Variants in TRMT2B observed in about 807,000 individuals in gnomAD.
TRMT2B encodes tRNA methyltransferase 2B, also known as tRNA (uracil-5-)-methyltransferase homolog B.
A neutral mutation model predicts 39.7 loss-of-function variants in TRMT2B; 34 were observed. The observed-to-expected ratio is 0.86, with a 90% CI of 0.65 to 1.14. TRMT2B has a LOEUF of 1.14. Ranked by LOEUF, TRMT2B falls within the 50% of genes most tolerant of loss-of-function variation. The pLI, the probability that TRMT2B is intolerant of heterozygous loss-of-function variation, is 0.00. For synonymous variants in TRMT2B, 132 were observed against 137.3 expected (o/e 0.96, Z 0.27); for missense variants, 318 against 377.2 (o/e 0.84, Z 1.30).
downstream of TRMT2B, among the ~76,000 whole-genome samples, chrX:101,006,000 C>T (rs1005453598): frequency 9.2e-6 from 1 of 109,092 alleles, no homozygotes; most frequent in East Asian, 2.9e-4. Context: ...GTGGGTGGAT[C>T]ACCTGAGGTC....
At position 101,042,192 on chromosome X, in the gene TRMT2B, G is replaced by A. The variant is rs145203851; in HGVS notation, c.98C>T (p.Ala33Val). The change falls in exon 3 of 14, where the codon GCC (alanine) becomes GTC (valine). Residue 33 changes from alanine to valine, a missense_variant. Ala to Val is a moderately conservative substitution (Grantham distance 64). Transcript: ENST00000372936. ...CTGTGACCATCCTGGTGGATTTCTG[G>A]CATACCAGGGAAGCAGTCCTGGTTT... ...FSKPGLLPWY[A>V]RNPPGWSQLF... 3.3e-6 allele frequency: 4 copies of A among 1,210,606 alleles called. No individual in the cohort carries two copies. In the African/African-American group the frequency reaches 5.2e-5, roughly 16 times the overall value.
chrX:101,044,959 G>A (rs182412112), intron 2 of TRMT2B, among the ~76,000 whole-genome samples: 1,155 of 107,820 alleles, frequency 0.011, 13 homozygotes, highest in Non-Finnish European at 0.018. Flanking sequence ...GAACCTGGGA[G>A]GTGGAGGTTG....
chrX:101,026,630 C>G (rs567914974), intron 7 of TRMT2B, among the ~76,000 whole-genome samples: 1 of 111,102 alleles, frequency 9.0e-6, no homozygotes, highest in African/African-American at 3.3e-5. Flanking sequence ...AACTGAAACT[C>G]CTGTTCTTAT....
intron 2 of TRMT2B, among the ~76,000 whole-genome samples, chrX:101,046,850 C>T (rs997922752): frequency 4.5e-5 from 5 of 111,096 alleles, no homozygotes; most frequent in Admixed American, 2.9e-4. Flanking sequence ...CGCTTGAACC[C>T]GGGAGGTGGA....
intron 10 of TRMT2B, 53 bp from the exon 11 acceptor site, chrX:101,020,641 AGTTT>A (rs200657512): frequency 0.19 from 183,292 of 944,398 alleles, 14,648 homozygotes; most frequent in African/African-American, 0.35. Flanking sequence ...TAGGTGTGGT[AGTTT>A]GTTTGTTTTT....
At chrX:101,021,817 C>T in intron 9 of TRMT2B, 151 bp downstream of exon 9, 1 of 474,744 alleles carries the variant, frequency 2.1e-6, no homozygotes, top group Admixed American at 3.5e-5. Flanking sequence ...CTCACATCTA[C>T]ATTCTGGCCT....
the TRMT2B span, among the ~76,000 whole-genome samples, chrX:100,993,349 A>G: frequency 8.9e-6 from 1 of 112,088 alleles, no homozygotes; most frequent in Admixed American, 9.5e-5. Flanking sequence ...TTGCCTGATA[A>G]ATATCGCTGG....
chrX:100,983,847 C>T, the TRMT2B span, among the ~76,000 whole-genome samples: 2 of 111,316 alleles, frequency 1.8e-5, no homozygotes, highest in African/African-American at 6.5e-5. Flanking sequence ...TATGTACTCT[C>T]ATTTCCAAAG....
Position 101,020,526 on chromosome X carries a change from G to T in TRMT2B, c.1129C>A (p.Gln377Lys). 8.3e-7 allele frequency: 1 copy of T among 1,210,894 alleles called. No individual in the cohort carries two copies. The highest frequency in any genetic ancestry group is 1.8e-5 in the South Asian group (1 of 56,988). Residue 377 changes from glutamine (Q) to lysine (K), a missense_variant, in exon 11 of 14, where the codon CAG (glutamine) becomes AAG (lysine). Transcript: ENST00000372936. ...GTCCATCTTGCATCCTCCACTGCCTGCTCCAACAATTCAATCCCAAGGACC... is the reference window on the plus strand; with the variant it reads ...GTCCATCTTGCATCCTCCACTGCCTTCTCCAACAATTCAATCCCAAGGACC... ...SRVLGIELLEQAVEDARWTAA... is the reference protein window; with the variant it reads ...SRVLGIELLEKAVEDARWTAA...
rs765920875 is a variant in TRMT2B, at chrX:101,021,349, C to T, written c.852-34G>A. The T allele has an allele frequency of 1.8e-5, 21 of 1,152,660 alleles. No homozygotes were observed. The South Asian group carries it at 4.1e-4, about 23-fold the overall frequency. The allele number at this position is 1,152,660 out of a possible 1,213,427, so 95.0% of individuals were successfully genotyped here. ...GAATAAAAGAAGAAAGCATCTTGAG[C>T]TGTGAGCGGTGGCTCACGCCTGTAA... On this transcript the variant is annotated intron_variant, in intron 9 of 13. Transcript: ENST00000372936.
chrX:101,045,644 A>C (rs7882862), intron 2 of TRMT2B, among the ~76,000 whole-genome samples: 2,374 of 101,436 alleles, frequency 0.023, 88 homozygotes, highest in African/African-American at 0.08. Context: ...AACAAACAAA[A>C]AAAATTAGCT....
chrX:101,009,276 C>T (rs2086159403), downstream of TRMT2B: 1 of 111,294 alleles, frequency 9.0e-6, no homozygotes, highest in Admixed American at 9.7e-5. Flanking sequence ...AAAACATAAT[C>T]TAAATTGTTG....
At chrX:101,005,880 CAAAAAAA>C (rs370275736), downstream of TRMT2B, among the ~76,000 whole-genome samples, 8 of 64,259 alleles carry the variant, frequency 1.2e-4, no homozygotes, top group East Asian at 1.3e-3. Context: ...GATTCCCACT[CAAAAAAA>C]AAAAAAAAAA....
chrX:101,012,282 C>T (rs1470593177), intron 13 of TRMT2B, among the ~76,000 whole-genome samples: 3 of 105,862 alleles, frequency 2.8e-5, no homozygotes, highest in African/African-American at 1.0e-4. Context: ...TATGATGTCA[C>T]TAGGCCATAG....
chrX:100,977,601 G>A, the TRMT2B span, among the ~76,000 whole-genome samples: 272 of 110,309 alleles, frequency 2.5e-3, 2 homozygotes, highest in African/African-American at 8.7e-3. Flanking sequence ...GGCTGGTCTC[G>A]AACTCCTGAC....
At chrX:101,018,659 C>A (rs2086647874) in intron 13 of TRMT2B, among the ~76,000 whole-genome samples, 1 of 110,246 alleles carries the variant, frequency 9.1e-6, no homozygotes, top group Admixed American at 9.8e-5. Flanking sequence ...CACTGTGTTC[C>A]CCAGGGTGGT....
At chrX:101,003,226 A>T in the TRMT2B span, among the ~76,000 whole-genome samples, 8 of 110,185 alleles carry the variant, frequency 7.3e-5, no homozygotes, top group African/African-American at 9.9e-5. Flanking sequence ...AAAATAAATT[A>T]AAAAATTAAA....
chrX:100,999,568 T>C, the TRMT2B span, among the ~76,000 whole-genome samples: 1 of 112,257 alleles, frequency 8.9e-6, no homozygotes, highest in African/African-American at 3.2e-5. Context: ...ACTGTACTTC[T>C]CAATGCTGGC....
At chrX:101,044,249 G>GAAAAAAAA (rs35472826) in intron 2 of TRMT2B, among the ~76,000 whole-genome samples, 4 of 43,537 alleles carry the variant, frequency 9.2e-5, no homozygotes, top group Non-Finnish European at 4.3e-5. Flanking sequence ...CTCAAAAAGA[G>GAAAAAAAA]AAAAAAAAAA....
Sources: gnomAD v4.1 joint callset for allele counts (sites outside exome capture counted in the v4.1 genomes callset) on GRCh38, gnomAD v4.1.1 for gene constraint, MANE v1.5 for transcripts, NCBI Gene and HGNC (gene_info 2026-07-23, HGNC 2026-07-21) for gene names.